Variants in PRMT3 observed in about 807,000 individuals in gnomAD.
The protein encoded by PRMT3 is protein arginine methyltransferase 3.
A neutral mutation model predicts 71.9 loss-of-function variants in PRMT3; 62 were observed. That is an observed-to-expected ratio of 0.86 (90% confidence interval 0.70 to 1.07). The LOEUF (loss-of-function observed/expected upper bound fraction) is 1.07, where lower values mean the gene tolerates loss of function less well. Among genes scored for constraint, PRMT3 ranks in the 50% least tolerant of loss-of-function variants. PRMT3 has a pLI of 0.00. For synonymous variants in PRMT3, 213 were observed against 220.4 expected (o/e 0.97, Z 0.30); for missense variants, 663 against 643.0 (o/e 1.03, Z -0.34).
intron 13 of PRMT3, among the ~76,000 whole-genome samples, chr11:20,469,163 A>G (rs1850584320): frequency 6.6e-6 from 1 of 152,206 alleles, no homozygotes; most frequent in Non-Finnish European, 1.5e-5. Flanking sequence ...CTGACATTTC[A>G]TCTATCATAT....
intron 13 of PRMT3, among the ~76,000 whole-genome samples, chr11:20,475,152 G>A (rs566872789): frequency 6.6e-6 from 1 of 152,196 alleles, no homozygotes. Flanking sequence ...AGCTACATAG[G>A]ATAGGGCTTA....
At chr11:20,403,734 T>C (rs1402478525) in intron 8 of PRMT3, among the ~76,000 whole-genome samples, 2 of 152,198 alleles carry the variant, frequency 1.3e-5, no homozygotes, top group African/African-American at 4.8e-5. Context: ...AATATTATGA[T>C]CTCTGCCATT....
intron 9 of PRMT3, among the ~76,000 whole-genome samples, chr11:20,421,051 T>G (rs1849414504): frequency 6.6e-6 from 1 of 152,174 alleles, no homozygotes; most frequent in Non-Finnish European, 1.5e-5. Context: ...GTTTGTTTGT[T>G]TTTTTGAGAC....
chr11:20,430,320 T>C (rs1849629362), intron 10 of PRMT3, among the ~76,000 whole-genome samples: 1 of 152,202 alleles, frequency 6.6e-6, no homozygotes, highest in Non-Finnish European at 1.5e-5. Context: ...GGTATAGCAG[T>C]GTAGAAATCA....
At position 20,471,924 on chromosome 11, in the gene PRMT3, G is replaced by A. The variant is rs114505445; in HGVS notation, c.1347+7378G>A. ...CTTGAAGAGGTCCTTCACTTCCCTC[G>A]TTAGCAGTATTCCTAGGTATTTTTT... On this transcript the variant is annotated intron_variant, in intron 13 of 15. Transcript: ENST00000331079. 6.4e-3 allele frequency among the ~76,000 whole-genome samples: 974 copies of A among 152,056 alleles called. 9 individuals carry two copies. Among genetic ancestry groups the A allele is most frequent in the African/African-American group, 0.023 (941 of 41,436 alleles).
In PRMT3 at chr11:20,445,411, A is replaced by G. The variant is rs1850003544; in HGVS notation, c.994-6719A>G. Among the ~76,000 whole-genome samples the G allele has an allele frequency of 2.0e-5, 3 of 152,106 alleles. No homozygotes were observed. In the South Asian group the frequency reaches 6.2e-4, roughly 32 times the overall value. On this transcript the variant is annotated intron_variant, in intron 10 of 15. Transcript: ENST00000331079. ...TACACAGAGGCAATCATTTTGTCTAATTGTGTACTGTTCCACACATGCTAT... is the reference window on the plus strand; with the variant it reads ...TACACAGAGGCAATCATTTTGTCTAGTTGTGTACTGTTCCACACATGCTAT...
At chr11:20,413,122 A>C (rs943323971) in intron 9 of PRMT3, among the ~76,000 whole-genome samples, 2 of 152,190 alleles carry the variant, frequency 1.3e-5, no homozygotes, top group African/African-American at 4.8e-5. Flanking sequence ...ATAAGCCAAC[A>C]TTGTACTGTT....
chr11:20,462,119 G>A lies in PRMT3; in HGVS notation c.1212G>A (p.Val404=), dbSNP rs1186235324. The change falls in exon 12 of 16, where the codon GTG becomes GTA. Residue 404 remains valine, a synonymous_variant. Transcript: ENST00000331079. ...MKKAVIPEAV[V]EVLDPKTLIS... is the part of the protein sequence containing the mutation. ...AAGCAGTTATTCCAGAAGCTGTTGT[G>A]GAAGTTTTAGATCCGAAGACTCTTA... 5 of 1,612,594 alleles carry A rather than the reference G, an allele frequency of 3.1e-6. No individual in the cohort carries two copies. Among genetic ancestry groups the A allele is most frequent in the Admixed American group, 1.7e-5 (1 of 59,976 alleles).
At chr11:20,463,216 A>G (rs1850428423) in intron 12 of PRMT3, among the ~76,000 whole-genome samples, 1 of 152,230 alleles carries the variant, frequency 6.6e-6, no homozygotes, top group African/African-American at 2.4e-5. Context: ...TACATATTTA[A>G]TTTTCTTAAA....
Position 20,397,550 on chromosome 11 carries a change from C to A in PRMT3, c.561-27C>A, listed in dbSNP as rs116197576. Reference sequence around the variant, plus strand: ...TATTCATGGTCCAATAAACCTGTCTCAAGGGTGTATTTCAAATTGATTACA... The same window carrying A: ...TATTCATGGTCCAATAAACCTGTCTAAAGGGTGTATTTCAAATTGATTACA... On this transcript the variant is annotated intron_variant, in intron 6 of 15. Coordinates refer to ENST00000331079, the MANE Select transcript of PRMT3 (RefSeq NM_005788.4). 2.5e-6 allele frequency: 4 copies of A among 1,612,336 alleles called. No individual in the cohort carries two copies. In the Admixed American group the frequency reaches 6.7e-5, roughly 27 times the overall value.
intron 13 of PRMT3, among the ~76,000 whole-genome samples, chr11:20,472,189 A>C (rs1205073432): frequency 1.3e-5 from 2 of 152,128 alleles, no homozygotes; most frequent in Admixed American, 6.6e-5. Flanking sequence ...AATATGCTTT[A>C]TTTCTTTCTC....
intron 13 of PRMT3, among the ~76,000 whole-genome samples, chr11:20,477,811 C>G (rs988498136): frequency 2.8e-5 from 4 of 144,314 alleles, no homozygotes; most frequent in East Asian, 4.6e-4. Flanking sequence ...AACCCCCCCC[C>G]CCCACTTCCT....
chr11:20,436,800 G>A (rs1460753743), intron 10 of PRMT3, among the ~76,000 whole-genome samples: 1 of 151,888 alleles, frequency 6.6e-6, no homozygotes, highest in African/African-American at 2.4e-5. Context: ...TAACCTCATA[G>A]AATGAGTTTG....
At chr11:20,396,072 G>A in intron 6 of PRMT3, 110 bp downstream of exon 6, 1 of 966,356 alleles carries the variant, frequency 1.0e-6, no homozygotes, top group Non-Finnish European at 1.5e-6. Context: ...GTACAATGTA[G>A]ATATTTTATC....
chr11:20,502,044 C>G (rs896842045), intron 15 of PRMT3, among the ~76,000 whole-genome samples: 3 of 151,950 alleles, frequency 2.0e-5, no homozygotes, highest in Non-Finnish European at 4.4e-5. Flanking sequence ...GAAATTAATT[C>G]TAAAAAATAC....
chr11:20,393,886 C>T (rs544907428), intron 5 of PRMT3: 1 of 152,206 alleles, frequency 6.6e-6, no homozygotes, highest in South Asian at 2.1e-4. Flanking sequence ...ATACAGTATA[C>T]CAGCCTTATA....
At chr11:20,469,980 G>T (rs1307881125) in intron 13 of PRMT3, among the ~76,000 whole-genome samples, 1 of 152,092 alleles carries the variant, frequency 6.6e-6, no homozygotes, top group African/African-American at 2.4e-5. Context: ...ATACAGTCAT[G>T]TATCACTTAA....
At chr11:20,493,255 AAAT>A (rs1851252306) in intron 13 of PRMT3, among the ~76,000 whole-genome samples, 2 of 152,256 alleles carry the variant, frequency 1.3e-5, no homozygotes, top group African/African-American at 2.4e-5. Flanking sequence ...AGGAAAAAAA[AAAT>A]AAGTAACATT....
Position 20,397,673 on chromosome 11 carries a change from T to TCA in PRMT3, c.657_658insCA (p.Tyr220HisfsTer16). On this transcript the variant is annotated frameshift_variant, in exon 7 of 16. Coordinates refer to ENST00000331079, the MANE Select transcript of PRMT3 (RefSeq NM_005788.4). LOFTEE classifies it high-confidence loss of function. ...ACCTCCAGGAGGATGAGGATGGTGT[T>TCA]TATTTCAGCTCATACGGGCATTATG... is the stretch of plus-strand genomic sequence containing the variant. 6.2e-7 allele frequency: 1 copy of TCA among 1,614,204 alleles called. No homozygotes were observed. Among genetic ancestry groups the TCA allele is most frequent in the Non-Finnish European group, 8.5e-7 (1 of 1,180,030 alleles).
Sources: gnomAD v4.1 joint callset for allele counts (sites outside exome capture counted in the v4.1 genomes callset) on GRCh38, gnomAD v4.1.1 for gene constraint, MANE v1.5 for transcripts, NCBI Gene and HGNC (gene_info 2026-07-23, HGNC 2026-07-21) for gene names.